The following ACACA variants were observed in gnomAD, a reference collection of about 807,000 sequenced individuals.
ACACA encodes acetyl-CoA carboxylase 1.
A neutral mutation model predicts 296.1 loss-of-function variants in ACACA; 103 were observed. The observed-to-expected ratio is 0.35, with a 90% CI of 0.30 to 0.41. The LOEUF (loss-of-function observed/expected upper bound fraction) is 0.41, where lower values mean the gene tolerates loss of function less well. ACACA is among the 10% of genes least tolerant of loss of function. The pLI is 1.00. For synonymous variants in ACACA, 953 were observed against 1,038.6 expected (o/e 0.92, Z 1.58); for missense variants, 1,554 against 2,989.7 (o/e 0.52, Z 11.20).
At chr17:37,192,346 A>C (rs765295140) in intron 36 of ACACA, 41 bp from the exon 37 acceptor site, 8 of 1,570,562 alleles carry the variant, frequency 5.1e-6, no homozygotes, top group Non-Finnish European at 6.1e-6. Flanking sequence ...CACAAGAGGC[A>C]GTTACAAAAT....
At chr17:37,207,989 T>A (rs1167752393) in intron 30 of ACACA, among the ~76,000 whole-genome samples, 189 bp from the exon 31 acceptor site, 2 of 152,164 alleles carry the variant, frequency 1.3e-5, no homozygotes, top group African/African-American at 4.8e-5. Flanking sequence ...CTTTTGAATT[T>A]CCCTAAATAA....
chr17:37,342,236 C>T (rs1001964139), intron 1 of ACACA, among the ~76,000 whole-genome samples: 4 of 150,764 alleles, frequency 2.7e-5, no homozygotes, highest in African/African-American at 7.3e-5. Flanking sequence ...GGTGAAACCC[C>T]GCCTCTACTA....
At chr17:37,339,689 G>T in intron 2 of ACACA, 115 bp downstream of exon 2, 1 of 710,106 alleles carries the variant, frequency 1.4e-6, no homozygotes, top group Non-Finnish European at 2.5e-6. Flanking sequence ...CCCTAAATCT[G>T]CCTATATTAT....
In ACACA at chr17:37,130,132, C is replaced by G; in HGVS notation, c.5766G>C (p.Val1922=). The G allele has an allele frequency of 6.2e-7, 1 of 1,614,176 alleles. No homozygotes were observed. The highest frequency in any genetic ancestry group is 8.5e-7 in the Non-Finnish European group (1 of 1,180,016). The part of the protein sequence containing the change: ...MHNNGVTHCT[V]CDDFEGVFTV... The stretch of plus-strand genomic sequence containing the variant: ...TGAAAACCCCTTCAAAGTCATCACA[C>G]ACAGTGCAGTGGGTCACCCCATTGT... Residue 1922 remains valine, a synonymous_variant, in exon 46 of 56, where the codon GTG becomes GTC. Transcript: ENST00000616317.
chr17:37,311,865 CT>C (rs2084163780), intron 3 of ACACA, among the ~76,000 whole-genome samples: 1 of 144,822 alleles, frequency 6.9e-6, no homozygotes, highest in Admixed American at 6.9e-5. Flanking sequence ...GAGCAAGACC[CT>C]GTCTCAAAAA....
chr17:37,314,939 G>T (rs116467581), intron 3 of ACACA, among the ~76,000 whole-genome samples: 1 of 146,428 alleles, frequency 6.8e-6, no homozygotes, highest in East Asian at 2.0e-4. Context: ...TACCGCACCC[G>T]GCCAGGAATG....
In ACACA at chr17:37,286,822, A is replaced by G. The variant is rs192360952; in HGVS notation, c.339-1852T>C. Among the ~76,000 whole-genome samples the G allele has an allele frequency of 3.9e-5, 6 of 151,916 alleles. No individual in the cohort carries two copies. The East Asian group carries it at 1.2e-3, about 29-fold the overall frequency. On this transcript the variant is annotated intron_variant, in intron 3 of 55. Transcript: ENST00000616317. Reference sequence around the variant, plus strand: ...GCTTATGCCCAGAGGTCCAGGCACCAGCCCTCCAGGAGACCTCCACCAAGC... The same window carrying G: ...GCTTATGCCCAGAGGTCCAGGCACCGGCCCTCCAGGAGACCTCCACCAAGC...
intron 45 of ACACA, among the ~76,000 whole-genome samples, chr17:37,137,646 T>C (rs1400777395): frequency 6.6e-6 from 1 of 152,226 alleles, no homozygotes; most frequent in Non-Finnish European, 1.5e-5. Flanking sequence ...ATATTAGTGT[T>C]ATAATGTGTA....
intron 1 of ACACA, among the ~76,000 whole-genome samples, chr17:37,353,823 C>T (rs2049015379): frequency 6.6e-6 from 1 of 151,584 alleles, no homozygotes; most frequent in African/African-American, 2.4e-5. Flanking sequence ...AATTTTCCAA[C>T]TTTGCTGGGC....
At chr17:37,200,783 T>C (rs113565582) in intron 33 of ACACA, among the ~76,000 whole-genome samples, 1 of 152,226 alleles carries the variant, frequency 6.6e-6, no homozygotes, top group Non-Finnish European at 1.5e-5. Flanking sequence ...AGGTAGGCCA[T>C]GACACAATTT....
chr17:37,202,817 ACAGTC>A (rs1348202163), intron 33 of ACACA, among the ~76,000 whole-genome samples: 2 of 150,856 alleles, frequency 1.3e-5, no homozygotes, highest in Non-Finnish European at 3.0e-5. Context: ...GAGTGTCAGC[ACAGTC>A]TACCCTTACC....
intron 43 of ACACA, among the ~76,000 whole-genome samples, chr17:37,155,328 T>TA (rs1280096570): frequency 6.6e-6 from 1 of 152,152 alleles, no homozygotes; most frequent in African/African-American, 2.4e-5. Flanking sequence ...AAATTCTTGT[T>TA]ATAATCTCAA....
At chr17:37,171,860 C>G (rs966975557) in intron 41 of ACACA, among the ~76,000 whole-genome samples, 1 of 152,130 alleles carries the variant, frequency 6.6e-6, no homozygotes, top group African/African-American at 2.4e-5. Context: ...TATTTTTTAA[C>G]AAACATGCAG....
In ACACA at chr17:37,130,231, GC is replaced by G. The variant is rs1274053356; in HGVS notation, c.5680-14del. ...CCCGCCCGAGGACCTAGAGAAAAGA[GC>G]AAGAGAAAAGACATTTGTCTCTATA... On this transcript the variant is annotated splice_polypyrimidine_tract_variant and intron_variant, in intron 45 of 55. Transcript: ENST00000616317. The G allele has an allele frequency of 6.2e-7, 1 of 1,614,118 alleles. No homozygotes were observed. Among genetic ancestry groups the G allele is most frequent in the Admixed American group, 1.7e-5 (1 of 60,022 alleles).
chr17:37,348,169 T>C (rs1260200935), intron 1 of ACACA, among the ~76,000 whole-genome samples: 2 of 149,906 alleles, frequency 1.3e-5, no homozygotes, highest in African/African-American at 4.9e-5. Context: ...AAAAAAAAAA[T>C]TTAAAGTGAT....
At chr17:37,127,820 G>A (rs1464616609) in intron 47 of ACACA, among the ~76,000 whole-genome samples, 1 of 146,386 alleles carries the variant, frequency 6.8e-6, no homozygotes, top group African/African-American at 2.5e-5. Flanking sequence ...CTCCAGCCTG[G>A]CGACAGAGTG....
chr17:37,350,997 G>A (rs1283839719), intron 1 of ACACA, among the ~76,000 whole-genome samples: 4 of 151,812 alleles, frequency 2.6e-5, no homozygotes, highest in Non-Finnish European at 5.9e-5. Context: ...GAGGGGCGTG[G>A]TGGAGCGTGG....
intron 3 of ACACA, among the ~76,000 whole-genome samples, chr17:37,292,242 G>C (rs1283339201): frequency 6.6e-6 from 1 of 151,986 alleles, no homozygotes; most frequent in Admixed American, 6.6e-5. Context: ...AAGCAGTAAG[G>C]GGCAAACACT....
chr17:37,263,930 T>C, intron 10 of ACACA, 36 bp from the exon 11 acceptor site: 1 of 1,573,308 alleles, frequency 6.4e-7, no homozygotes, highest in Non-Finnish European at 8.7e-7. Context: ...AAACCAATTC[T>C]TAAATTTTAA....
Sources: allele counts gnomAD v4.1 joint callset (sites outside exome capture counted in the v4.1 genomes callset), GRCh38; gene constraint gnomAD v4.1.1; transcripts MANE v1.5; gene names NCBI Gene and HGNC (gene_info 2026-07-23, HGNC 2026-07-21).